The following CRHR1 variants were observed in gnomAD, a reference collection of about 807,000 sequenced individuals.
CRHR1 encodes the protein corticotropin releasing hormone receptor 1.
A neutral mutation model predicts 56.0 loss-of-function variants in CRHR1; 28 were observed. The ratio of observed to expected loss-of-function variants is 0.50; its 90% CI spans 0.37 to 0.69. CRHR1 has a LOEUF of 0.69. Ranked by LOEUF, CRHR1 falls within the 30% of genes least tolerant of loss-of-function variation. The probability of loss-of-function intolerance (pLI) is 0.00; values close to 1 mark genes in which losing one functional copy is unlikely to be tolerated. For synonymous variants in CRHR1, 195 were observed against 216.5 expected (o/e 0.90, Z 0.87); for missense variants, 376 against 548.0 (o/e 0.69, Z 3.13).
At chr17:45,805,124 A>G (rs1315047606) in intron 1 of CRHR1, among the ~76,000 whole-genome samples, 1 of 152,114 alleles carries the variant, frequency 6.6e-6, no homozygotes, top group Admixed American at 6.6e-5. Context: ...ATATTTTAAT[A>G]TCATTACTGA....
intron 10 of CRHR1, 21 bp from the exon 11 acceptor site, chr17:45,833,693 T>TGGGGGGGGGGGGGGG: frequency 1.5e-5 from 24 of 1,571,590 alleles, no homozygotes; most frequent in South Asian, 2.2e-5. Flanking sequence ...ACTCCGAGCC[T>TGGGGGGGGGGGGGGG]CCCCACCCGC....
chr17:45,794,838 T>TCCAGGGC (rs572219697), intron 1 of CRHR1, among the ~76,000 whole-genome samples: 2 of 152,178 alleles, frequency 1.3e-5, no homozygotes, highest in African/African-American at 2.4e-5. Flanking sequence ...ATCCCACTTC[T>TCCAGGGC]CCAGGGCCCA....
At chr17:45,831,705 C>A (rs568924054) in intron 8 of CRHR1, among the ~76,000 whole-genome samples, 1 of 152,308 alleles carries the variant, frequency 6.6e-6, no homozygotes, top group South Asian at 2.1e-4. Context: ...GATTGAGAAC[C>A]ACTGAGAGAG....
At chr17:45,811,174 C>T (rs2061815839) in intron 2 of CRHR1, among the ~76,000 whole-genome samples, 1 of 152,256 alleles carries the variant, frequency 6.6e-6, no homozygotes, top group South Asian at 2.1e-4. Flanking sequence ...CACACGTGGA[C>T]CCTGAGCCTG....
At chr17:45,790,923 T>C (rs1288380950) in intron 1 of CRHR1, among the ~76,000 whole-genome samples, 1 of 152,270 alleles carries the variant, frequency 6.6e-6, no homozygotes, top group East Asian at 1.9e-4. Flanking sequence ...TTAGGAGAAT[T>C]GGGACAATAT....
intron 4 of CRHR1, 40 bp from the exon 5 acceptor site, chr17:45,829,175 C>G (rs1255653246): frequency 2.6e-6 from 4 of 1,515,472 alleles, no homozygotes; most frequent in Non-Finnish European, 2.7e-6. Flanking sequence ...CAGCTCCCAT[C>G]CAGCAGAAGG....
chr17:45,818,969 G>A (rs924090346), intron 3 of CRHR1, among the ~76,000 whole-genome samples: 12 of 152,140 alleles, frequency 7.9e-5, no homozygotes, highest in East Asian at 1.9e-4. Context: ...GCTTTCTTTC[G>A]GATCACCTCC....
chr17:45,821,001 G>C (rs940970357), intron 3 of CRHR1, among the ~76,000 whole-genome samples: 4 of 151,298 alleles, frequency 2.6e-5, no homozygotes, highest in Non-Finnish European at 5.9e-5. Flanking sequence ...CTGAAAAGGA[G>C]ATTTCTCAGA....
At chr17:45,813,316 C>G (rs1478779252) in intron 2 of CRHR1, among the ~76,000 whole-genome samples, 2 of 152,226 alleles carry the variant, frequency 1.3e-5, no homozygotes, top group Non-Finnish European at 1.5e-5. Context: ...CCAACCCCCC[C>G]ACCCCAAGCC....
intron 1 of CRHR1, among the ~76,000 whole-genome samples, chr17:45,801,788 A>G (rs890368105): frequency 6.6e-6 from 1 of 152,184 alleles, no homozygotes; most frequent in Non-Finnish European, 1.5e-5. Context: ...AGAAAGGCCA[A>G]AAGCACTTTG....
At chr17:45,798,819 C>T (rs1490129917) in intron 1 of CRHR1, among the ~76,000 whole-genome samples, 3 of 152,228 alleles carry the variant, frequency 2.0e-5, no homozygotes, top group Admixed American at 6.5e-5. Context: ...GGCTTCCCCC[C>T]TCCCTTAACT....
chr17:45,832,192 A>G (rs533950499), intron 8 of CRHR1, among the ~76,000 whole-genome samples: 108 of 152,360 alleles, frequency 7.1e-4, no homozygotes, highest in African/African-American at 2.6e-3. Flanking sequence ...AGATCGTGCC[A>G]CTGCACTCCA....
At chr17:45,832,343 C>A (rs1376328264) in intron 8 of CRHR1, among the ~76,000 whole-genome samples, 1 of 152,216 alleles carries the variant, frequency 6.6e-6, no homozygotes, top group East Asian at 1.9e-4. Flanking sequence ...CAGAGAGGAT[C>A]TGGGTGTGAG....
At chr17:45,811,304 C>A (rs909997676) in intron 2 of CRHR1, among the ~76,000 whole-genome samples, 2 of 152,256 alleles carry the variant, frequency 1.3e-5, no homozygotes, top group Non-Finnish European at 2.9e-5. Flanking sequence ...CTCCCAGGAC[C>A]CTGACCCCGC....
At chr17:45,794,656 T>C (rs1198960528) in intron 1 of CRHR1, among the ~76,000 whole-genome samples, 1 of 152,236 alleles carries the variant, frequency 6.6e-6, no homozygotes, top group Non-Finnish European at 1.5e-5. Context: ...CCCCTCCTTG[T>C]CACACTCATC....
rs1169262171 is a variant in CRHR1 at position 45,810,920 on chromosome 17, T to C, written c.121+3823T>C. Among the ~76,000 whole-genome samples the C allele has an allele frequency of 2.6e-5, 4 of 152,236 alleles. No individual in the cohort carries two copies. In the East Asian group the frequency reaches 7.7e-4, roughly 29 times the overall value. On this transcript the variant is annotated intron_variant, in intron 2 of 12. Coordinates refer to ENST00000314537, the MANE Select transcript of CRHR1 (RefSeq NM_004382.5). ...GCCCATTCATCCCACAGCACATTCC[T>C]CTGACTGGGCAAGAACGTGTGTTTC...
intron 4 of CRHR1, among the ~76,000 whole-genome samples, chr17:45,824,979 G>A (rs926679693): frequency 2.6e-5 from 4 of 151,750 alleles, no homozygotes; most frequent in Admixed American, 6.6e-5. Flanking sequence ...AGCCCCTGCT[G>A]GCCTGGTGCC....
At position 45,807,960 on chromosome 17, in the gene CRHR1, T is replaced by C. The variant is rs1427393047; in HGVS notation, c.121+863T>C. 2.0e-5 allele frequency among the ~76,000 whole-genome samples: 3 copies of C among 152,058 alleles called. No homozygotes were observed. The South Asian group carries it at 6.2e-4, about 32-fold the overall frequency. ...TGCCTAGGGCATGTCTTTTAAAACT[T>C]TGGGTGTGGTCCTGGGCATGGCTGC... On this transcript the variant is annotated intron_variant, in intron 2 of 12. Transcript: ENST00000314537.
At chr17:45,798,819 C>A (rs1490129917) in intron 1 of CRHR1, among the ~76,000 whole-genome samples, 3 of 152,228 alleles carry the variant, frequency 2.0e-5, no homozygotes, top group South Asian at 2.1e-4. Flanking sequence ...GGCTTCCCCC[C>A]TCCCTTAACT....
Sources: allele counts gnomAD v4.1 joint callset (sites outside exome capture counted in the v4.1 genomes callset), GRCh38; gene constraint gnomAD v4.1.1; transcripts MANE v1.5; gene names NCBI Gene and HGNC (gene_info 2026-07-23, HGNC 2026-07-21).